RIPOR2: variants seen among roughly 807,000 people sequenced by gnomAD.
RIPOR2 encodes rho family-interacting cell polarization regulator 2.
RIPOR2 carries 39 observed loss-of-function variants against 114.5 expected under a neutral mutation model. The ratio of observed to expected loss-of-function variants is 0.34; its 90% CI spans 0.26 to 0.44. The LOEUF (loss-of-function observed/expected upper bound fraction) is 0.44, where lower values mean the gene tolerates loss of function less well. Among genes scored for constraint, RIPOR2 ranks in the 20% least tolerant of loss-of-function variants. The pLI, the probability that RIPOR2 is intolerant of heterozygous loss-of-function variation, is 1.00. For missense variants in RIPOR2, 1,007 were observed against 1,255.1 expected (o/e 0.80, Z 2.99); for synonymous variants, 445 against 484.4 (o/e 0.92, Z 1.07).
rs554392681 is a variant in RIPOR2, at chr6:24,990,321, T to C, written c.76+51530A>G. ...TAGGTGGATATTTGCAAAAACATCA[T>C]TGATAGTGCTTCTAATGATGTAGAA... is the stretch of plus-strand genomic sequence containing the variant. On this transcript the variant is annotated intron_variant, in intron 1 of 13. Coordinates refer to the RIPOR2 transcript ENST00000510784. 3.3e-5 allele frequency among the ~76,000 whole-genome samples: 5 copies of C among 152,348 alleles called. No homozygotes were observed. The East Asian group carries it at 9.6e-4, about 29-fold the overall frequency.
In RIPOR2 at chr6:24,875,672, A is replaced by G. The variant is rs777656907; in HGVS notation, c.188+19T>C. 3 of 1,606,882 alleles carry G rather than the reference A, an allele frequency of 1.9e-6. No homozygotes were observed. The East Asian group carries it at 6.7e-5, about 36-fold the overall frequency. On this transcript the variant is annotated intron_variant, in intron 2 of 21. Coordinates refer to ENST00000643898, the MANE Select transcript of RIPOR2 (RefSeq NM_001286445.3). ...TCCTTGGCAAGCTGCATCCCGGGAG[A>G]GAACCACACAGTACTTGCCTGGATC...
chr6:25,021,974 G>A (rs1266419038), intron 1 of RIPOR2, among the ~76,000 whole-genome samples: 1 of 152,074 alleles, frequency 6.6e-6, no homozygotes, highest in African/African-American at 2.4e-5. Context: ...TGGTTTATAA[G>A]AGAAACTTGG....
chr6:24,871,791 A>G (rs913901886), intron 4 of RIPOR2, among the ~76,000 whole-genome samples: 6 of 152,216 alleles, frequency 3.9e-5, no homozygotes, highest in Non-Finnish European at 8.8e-5. Context: ...TTTACGGAAC[A>G]TGAGGTCTTG....
At chr6:24,975,706 A>C (rs1472603909) in intron 1 of RIPOR2, among the ~76,000 whole-genome samples, 1 of 152,174 alleles carries the variant, frequency 6.6e-6, no homozygotes, top group Non-Finnish European at 1.5e-5. Flanking sequence ...AAGAGAGTAA[A>C]TCTCAATTGT....
chr6:25,028,039 C>G (rs1355444093), intron 1 of RIPOR2, among the ~76,000 whole-genome samples: 1 of 152,178 alleles, frequency 6.6e-6, no homozygotes, highest in African/African-American at 2.4e-5. Flanking sequence ...CTGAGTGGCC[C>G]CTACCACCCT....
intron 1 of RIPOR2, among the ~76,000 whole-genome samples, chr6:24,956,150 C>T (rs1046012714): frequency 3.9e-5 from 6 of 152,022 alleles, no homozygotes; most frequent in African/African-American, 1.5e-4. Flanking sequence ...ACAATTACTG[C>T]TGGCATTGTA....
chr6:24,961,067 C>T (rs950539804), intron 1 of RIPOR2, among the ~76,000 whole-genome samples: 2 of 152,154 alleles, frequency 1.3e-5, no homozygotes, highest in African/African-American at 4.8e-5. Flanking sequence ...TGCTGGACCC[C>T]GCTGAGAACA....
chr6:24,865,327 T>C lies in RIPOR2; in HGVS notation c.625A>G (p.Asn209Asp). 5 of 1,613,146 alleles carry C rather than the reference T, an allele frequency of 3.1e-6. No homozygotes were observed. The highest frequency in any genetic ancestry group is 4.2e-6 in the Non-Finnish European group (5 of 1,179,446). ...TCTGTGTACTCCTTGAAGCTCCGAT[T>C]GATCTCTGTCAGACTCTCCCGGGCA... is the stretch of plus-strand genomic sequence containing the variant. ...KAARESLTEINRSFKEYTENM... is the reference protein window; with the variant it reads ...KAARESLTEIDRSFKEYTENM... The change falls in exon 7 of 22, where the codon AAT (asparagine) becomes GAT (aspartate). Residue 209 changes from asparagine (N) to aspartate (D), a missense_variant. Transcript: ENST00000643898.
At chr6:25,017,326 T>C (rs138457064) in intron 1 of RIPOR2, among the ~76,000 whole-genome samples, 131 of 152,250 alleles carry the variant, frequency 8.6e-4, no homozygotes, top group Middle Eastern at 3.4e-3. Context: ...AAAAGAAAAA[T>C]GGCATAAATG....
chr6:24,958,958 C>CTTTCTTTCTT (rs139147901), intron 1 of RIPOR2, among the ~76,000 whole-genome samples: 51 of 123,188 alleles, frequency 4.1e-4, no homozygotes, highest in African/African-American at 1.6e-3. Flanking sequence ...TCTACATTTT[C>CTTTCTTTCTT]TTTTTTTTTT....
At position 24,809,622 on chromosome 6, in the gene RIPOR2, C is replaced by T. The variant is rs1035994467; in HGVS notation, c.3043+95G>A. 4 of 845,964 alleles carry T rather than the reference C, an allele frequency of 4.7e-6. No individual in the cohort carries two copies. In the African/African-American group the frequency reaches 6.8e-5, roughly 14 times the overall value. The allele number at this position is 845,964 out of a possible 1,614,324, so 52.4% of individuals were successfully genotyped here. A position where few individuals can be genotyped will look rare whatever the true frequency, so the allele number is the denominator to read the frequency against. ...AAACTGCTAAACAGGGTACATGAAA[C>T]TTCTCCTTACTGGAGAAGGGAACAT... On this transcript the variant is annotated intron_variant, in intron 21 of 21. Transcript: ENST00000643898.
chr6:24,899,816 C>T (rs542511105), intron 1 of RIPOR2, among the ~76,000 whole-genome samples: 2 of 152,072 alleles, frequency 1.3e-5, no homozygotes, highest in Admixed American at 6.5e-5. Flanking sequence ...ATCTCTGAGG[C>T]GTCAATCGTT....
intron 1 of RIPOR2, among the ~76,000 whole-genome samples, chr6:24,956,430 T>C (rs1478000752): frequency 6.6e-6 from 1 of 152,210 alleles, no homozygotes; most frequent in Admixed American, 6.5e-5. Flanking sequence ...AAAACTTAAA[T>C]ACTTATCATC....
In RIPOR2 at chr6:24,979,004, A is replaced by G. The variant is rs564517046; in HGVS notation, c.76+62847T>C. On this transcript the variant is annotated intron_variant, in intron 1 of 13. Coordinates refer to the RIPOR2 transcript ENST00000510784. ...CCTGGGGTGCACACTACTGAGACTCACATATTTTTGGAGAAAGGTTTAACA... is the reference window on the plus strand; with the variant it reads ...CCTGGGGTGCACACTACTGAGACTCGCATATTTTTGGAGAAAGGTTTAACA... 6.6e-5 allele frequency among the ~76,000 whole-genome samples: 10 copies of G among 152,296 alleles called. No homozygotes were observed. The South Asian group carries it at 2.1e-3, about 32-fold the overall frequency.
In RIPOR2 at chr6:24,875,032, C is replaced by T. The variant is rs540967980; in HGVS notation, c.188+659G>A. ...CTATCAGTAGGAAAGCCGAGACCTC[C>T]GAGGCCGGAAGGTGCCTACTGCACC... is the stretch of plus-strand genomic sequence containing the variant. On this transcript the variant is annotated intron_variant, in intron 2 of 21. Transcript: ENST00000643898. Among the ~76,000 whole-genome samples, 7 of 152,256 alleles carry T rather than the reference C, an allele frequency of 4.6e-5. No homozygotes were observed. In the South Asian group the frequency reaches 8.3e-4, roughly 18 times the overall value.
At chr6:24,951,303 T>C (rs1772743403) in intron 1 of RIPOR2, among the ~76,000 whole-genome samples, 1 of 152,204 alleles carries the variant, frequency 6.6e-6, no homozygotes, top group Non-Finnish European at 1.5e-5. Context: ...TGTTGTCTTC[T>C]AAGTGCTGCA....
upstream of RIPOR2, among the ~76,000 whole-genome samples, chr6:24,937,643 C>T (rs1351030794): frequency 6.6e-6 from 1 of 152,130 alleles, no homozygotes; most frequent in African/African-American, 2.4e-5. Flanking sequence ...GGATGGGTGT[C>T]CATTTTGATA....
intron 11 of RIPOR2, among the ~76,000 whole-genome samples, chr6:24,849,288 A>G (rs1238021069): frequency 1.3e-5 from 2 of 152,210 alleles, no homozygotes; most frequent in Non-Finnish European, 2.9e-5. Context: ...TTGAAAAAAG[A>G]TATCTCTTGC....
chr6:24,974,658 C>G (rs893038515), intron 1 of RIPOR2, among the ~76,000 whole-genome samples: 2 of 152,042 alleles, frequency 1.3e-5, no homozygotes, highest in African/African-American at 4.8e-5. Context: ...AGTTATATAC[C>G]CAAGAGAAAT....
Sources: allele counts gnomAD v4.1 joint callset (sites outside exome capture counted in the v4.1 genomes callset), GRCh38; gene constraint gnomAD v4.1.1; transcripts MANE v1.5; gene names NCBI Gene and HGNC (gene_info 2026-07-23, HGNC 2026-07-21).